Variants in TMEM108 observed in about 807,000 individuals in gnomAD.
TMEM108 encodes cancer/testis antigen 124.
Under a neutral mutation model 35.1 loss-of-function variants are expected in TMEM108, and 12 were observed. The observed-to-expected ratio is 0.34, with a 90% CI of 0.22 to 0.55. TMEM108 has a LOEUF of 0.55. TMEM108 is among the 20% of genes least tolerant of loss of function. The probability of loss-of-function intolerance (pLI) is 0.89; values close to 1 mark genes in which losing one functional copy is unlikely to be tolerated. For missense variants in TMEM108, 680 were observed against 753.3 expected (o/e 0.90, Z 1.14); for synonymous variants, 287 against 308.6 (o/e 0.93, Z 0.73).
chr3:133,097,030 G>T (rs1944024060), intron 2 of TMEM108, among the ~76,000 whole-genome samples: 1 of 152,180 alleles, frequency 6.6e-6, no homozygotes, highest in African/African-American at 2.4e-5. Flanking sequence ...TCACGGGAAG[G>T]ACTAAAACAT....
chr3:133,281,945 C>T (rs925254332), intron 3 of TMEM108, among the ~76,000 whole-genome samples: 4 of 152,176 alleles, frequency 2.6e-5, no homozygotes, highest in Non-Finnish European at 5.9e-5. Context: ...ATCATGAGGT[C>T]AGGAGATCGA....
chr3:133,049,298 A>G (rs1317451807), intron 2 of TMEM108, among the ~76,000 whole-genome samples: 1 of 152,186 alleles, frequency 6.6e-6, no homozygotes, highest in Non-Finnish European at 1.5e-5. Context: ...ATTAATTAAA[A>G]TTAAATTGAA....
intron 3 of TMEM108, among the ~76,000 whole-genome samples, chr3:133,364,739 C>T (rs2072453734): frequency 6.6e-6 from 1 of 152,206 alleles, no homozygotes; most frequent in Non-Finnish European, 1.5e-5. Flanking sequence ...AATTGTCTCC[C>T]TCATCATGAA....
At chr3:133,045,313 C>G (rs1479871649) in intron 1 of TMEM108, among the ~76,000 whole-genome samples, 1 of 152,134 alleles carries the variant, frequency 6.6e-6, no homozygotes, top group Admixed American at 6.5e-5. Context: ...CAGTATTTTA[C>G]AGTTGAGGAA....
intron 3 of TMEM108, among the ~76,000 whole-genome samples, chr3:133,234,346 C>G (rs1946200734): frequency 6.6e-6 from 1 of 152,064 alleles, no homozygotes; most frequent in African/African-American, 2.4e-5. Flanking sequence ...ATGCAAAAAT[C>G]CTCAATAAAA....
chr3:133,164,624 G>A (rs1033752770), intron 2 of TMEM108, among the ~76,000 whole-genome samples: 1 of 152,160 alleles, frequency 6.6e-6, no homozygotes, highest in Non-Finnish European at 1.5e-5. Context: ...CATGAATCCT[G>A]TGTACCAGAC....
In TMEM108 at chr3:133,346,914, A is replaced by ACAGTCC. The variant is rs1458457251; in HGVS notation, c.41-32838_41-32837insCAGTCC. The stretch of plus-strand genomic sequence containing the variant: ...GAACAAACAGTCCTTTCTCCATTGA[A>ACAGTCC]TTGCCTTAGCTCCTTTGTCAAAGAT... On this transcript the variant is annotated intron_variant, in intron 3 of 5. Transcript: ENST00000321871. This position sits in a 1 kb window ranked among gnomAD's most constrained non-coding sequence, Gnocchi z 4.0. Among the ~76,000 whole-genome samples, 3 of 152,046 alleles carry ACAGTCC rather than the reference A, an allele frequency of 2.0e-5. No individual in the cohort carries two copies. In the East Asian group the frequency reaches 5.8e-4, roughly 29 times the overall value.
At chr3:133,228,374 A>G (rs948726836) in intron 2 of TMEM108, among the ~76,000 whole-genome samples, 1 of 152,216 alleles carries the variant, frequency 6.6e-6, no homozygotes, top group African/African-American at 2.4e-5. Context: ...CTCGGCAGAG[A>G]TGAAATTATT....
chr3:133,067,353 A>G (rs1205900769), intron 2 of TMEM108, among the ~76,000 whole-genome samples: 2 of 152,148 alleles, frequency 1.3e-5, no homozygotes, highest in Non-Finnish European at 2.9e-5. Flanking sequence ...TTATAAAGGT[A>G]TTGCTAGGCC....
intron 2 of TMEM108, among the ~76,000 whole-genome samples, chr3:133,121,939 T>C (rs1163385254): frequency 2.6e-5 from 4 of 152,192 alleles, no homozygotes; most frequent in Admixed American, 6.5e-5. Flanking sequence ...GTTTCCATGT[T>C]CTTGTTATTG....
At chr3:133,388,927 CCT>C (rs1296430255) in intron 4 of TMEM108, 1 of 985,474 alleles carries the variant, frequency 1.0e-6, no homozygotes, top group East Asian at 1.1e-4. Context: ...CCGGTGCTGG[CCT>C]CTCTGGACAG....
intron 3 of TMEM108, among the ~76,000 whole-genome samples, chr3:133,373,587 G>C (rs1467983600): frequency 6.6e-6 from 1 of 152,064 alleles, no homozygotes; most frequent in Non-Finnish European, 1.5e-5. Flanking sequence ...CTGTAAAGTG[G>C]AGGAGCTGAT....
intron 2 of TMEM108, among the ~76,000 whole-genome samples, chr3:133,229,035 A>G (rs1001562758): frequency 5.9e-5 from 9 of 152,194 alleles, no homozygotes; most frequent in African/African-American, 2.2e-4. Flanking sequence ...AGCTACCCCT[A>G]TGAGCTTCCT....
chr3:133,270,797 ACACACACACACACACACACACACT>A (rs1946759745), intron 3 of TMEM108, among the ~76,000 whole-genome samples: 1 of 7,934 alleles, frequency 1.3e-4, no homozygotes, highest in South Asian at 4.0e-3. Context: ...AAGAATGTAC[ACACACACACACACACACACACACT>A]CACACACTCA....
intron 2 of TMEM108, among the ~76,000 whole-genome samples, chr3:133,123,766 T>A (rs1944382158): frequency 6.6e-6 from 1 of 152,236 alleles, no homozygotes; most frequent in Non-Finnish European, 1.5e-5. Flanking sequence ...CAGGAAATGT[T>A]GTCTATAAAA....
chr3:133,298,891 G>A (rs56290147), intron 3 of TMEM108, among the ~76,000 whole-genome samples: 51,534 of 151,994 alleles, frequency 0.34, 9,144 homozygotes, highest in East Asian at 0.48. Context: ...AAGACCATCG[G>A]CTGCCTGTGG....
rs73217544 is a variant in TMEM108, at chr3:133,256,767, C to G, written c.40+27416C>G. Reference sequence around the variant, plus strand: ...AAGGGGAAAATAGATATAGAGAAATCTGGATAAGTAGGACAAGGCAGAAAT... The same window carrying G: ...AAGGGGAAAATAGATATAGAGAAATGTGGATAAGTAGGACAAGGCAGAAAT... On this transcript the variant is annotated intron_variant, in intron 3 of 5. Coordinates refer to ENST00000321871, the MANE Select transcript of TMEM108 (RefSeq NM_023943.4). 6.9e-4 allele frequency among the ~76,000 whole-genome samples: 105 copies of G among 152,242 alleles called. 1 individual carries two copies. Among genetic ancestry groups the G allele is most frequent in the Non-Finnish European group, 9.3e-4 (63 of 68,012 alleles).
chr3:133,269,084 C>T (rs143540871), intron 3 of TMEM108, among the ~76,000 whole-genome samples: 155 of 152,304 alleles, frequency 1.0e-3, no homozygotes, highest in African/African-American at 3.7e-3. Context: ...CTGGCAAGTG[C>T]CATCTGCCAA....
chr3:133,043,235 T>G (rs979432643), intron 1 of TMEM108, among the ~76,000 whole-genome samples: 2 of 152,184 alleles, frequency 1.3e-5, no homozygotes, highest in Admixed American at 1.3e-4. Flanking sequence ...GTATTTGATC[T>G]TATACATTTC....
Sources: allele counts gnomAD v4.1 joint callset (sites outside exome capture counted in the v4.1 genomes callset), GRCh38; gene constraint gnomAD v4.1.1; non-coding constraint Gnocchi (gnomAD v3.1); transcripts MANE v1.5; gene names NCBI Gene and HGNC (gene_info 2026-07-23, HGNC 2026-07-21).